USP36: variants seen among roughly 807,000 people sequenced by gnomAD.
USP36 encodes the protein ubiquitin specific peptidase 36, also known as ubiquitin carboxyl-terminal hydrolase 36.
A neutral mutation model predicts 111.5 loss-of-function variants in USP36; 59 were observed. The ratio of observed to expected loss-of-function variants is 0.53; its 90% CI spans 0.43 to 0.66. USP36 has a LOEUF of 0.66. Ranked by LOEUF, USP36 falls within the 30% of genes least tolerant of loss-of-function variation. The probability of loss-of-function intolerance (pLI) is 0.00; values close to 1 mark genes in which losing one functional copy is unlikely to be tolerated. For synonymous variants in USP36, 628 were observed against 581.0 expected, an observed-to-expected ratio of 1.08 and a Z score of -1.16; for missense variants, 1,488 against 1,468.0, an observed-to-expected ratio of 1.01 and a Z score of -0.22.
At chr17:78,793,757 C>G (rs145346267), downstream of USP36, among the ~76,000 whole-genome samples, 4 of 152,254 alleles carry the variant, frequency 2.6e-5, no homozygotes, top group African/African-American at 7.2e-5. Flanking sequence ...GTCACTATTA[C>G]AGTTATGATG....
intron 6 of USP36, among the ~76,000 whole-genome samples, chr17:78,823,782 A>C (rs972297737): frequency 1.3e-5 from 2 of 152,158 alleles, no homozygotes; most frequent in African/African-American, 4.8e-5. Context: ...AAAAAACTCA[A>C]AACTATCCTA....
chr17:78,800,480 C>T (rs1302846067), intron 17 of USP36, among the ~76,000 whole-genome samples: 4 of 152,266 alleles, frequency 2.6e-5, no homozygotes, highest in African/African-American at 9.6e-5. Flanking sequence ...CAGCTAGCCA[C>T]ATAGCCCCTG....
At chr17:78,801,119 G>C (rs1187171742) in intron 17 of USP36, among the ~76,000 whole-genome samples, 1 of 152,050 alleles carries the variant, frequency 6.6e-6, no homozygotes, top group Non-Finnish European at 1.5e-5. Context: ...TGGGACTAGA[G>C]GCGCCCGCCA....
chr17:78,798,843 C>T lies in USP36; in HGVS notation c.3240+65G>A, dbSNP rs2093674923. ...GCCACTGCCGCCACCTCCAACTGCC[C>T]CGGCTCTGAGCTGAGCCACGCCGCC... On this transcript the variant is annotated intron_variant, in intron 19 of 20. Transcript: ENST00000449938. The surrounding 1 kb of genome is among the most constrained non-coding windows in gnomAD (Gnocchi z 5.1). 3.2e-6 allele frequency: 5 copies of T among 1,579,722 alleles called. No individual in the cohort carries two copies. The Admixed American group carries it at 6.7e-5, about 21-fold the overall frequency.
chr17:78,835,375 A>C lies in USP36; in HGVS notation c.380T>G (p.Leu127Arg), dbSNP rs1426398754. Residue 127 changes from leucine (L) to arginine (R), a missense_variant, in exon 4 of 21, where the codon CTT becomes CGT. Physicochemically the swap from Leu to Arg is moderately radical, Grantham distance 102. Around this residue, in one of 3 missense-constraint regions of USP36, gnomAD observed 219 missense variants for 209.5 expected, o/e 1.05. Transcript: ENST00000449938. ...GGCATTGAGAAAGCAGGTGTTGCCA[A>C]GGTTGTGGAGTCCTGCGCCCACGCG... ...VFRVGAGLHN[L>R]GNTCFLNATI... 6.2e-7 allele frequency: 1 copy of C among 1,614,262 alleles called. No individual in the cohort carries two copies. Among genetic ancestry groups the C allele is most frequent in the South Asian group, 1.1e-5 (1 of 91,088 alleles).
chr17:78,806,017 G>A (rs1567920509), intron 15 of USP36, 139 bp downstream of exon 15: 4 of 1,427,642 alleles, frequency 2.8e-6, no homozygotes, highest in East Asian at 2.4e-5. Flanking sequence ...GGTCAGTGAC[G>A]CCCCCCTGTA....
rs1332865428 is a variant in USP36, at chr17:78,807,549, T to G, written c.1495A>C (p.Lys499Gln). The G allele has an allele frequency of 6.2e-7, 1 of 1,612,584 alleles. No individual in the cohort carries two copies. Among genetic ancestry groups the G allele is most frequent in the Non-Finnish European group, 8.5e-7 (1 of 1,179,206 alleles). Reference protein sequence around the residue: ...ISRNGSTLGLKSQNGCIPPKL... With the variant: ...ISRNGSTLGLQSQNGCIPPKL... ...GGAGGAATGCAGCCGTTCTGGGACTTCAGGCCCAGGGTGGAGCCATTCCTG... is the reference window on the plus strand; with the variant it reads ...GGAGGAATGCAGCCGTTCTGGGACTGCAGGCCCAGGGTGGAGCCATTCCTG... Residue 499 changes from lysine (K) to glutamine (Q), a missense_variant, in exon 14 of 21, where the codon AAG (lysine) becomes CAG (glutamine). Transcript: ENST00000449938.
downstream of USP36, among the ~76,000 whole-genome samples, chr17:78,795,301 G>A (rs949985002): frequency 2.4e-4 from 36 of 152,332 alleles, no homozygotes; most frequent in African/African-American, 7.9e-4. This position sits in a 1 kb window ranked among gnomAD's most constrained non-coding sequence, Gnocchi z 4.5. Flanking sequence ...AAAGAGAAGC[G>A]AAGACATGAT....
At chr17:78,810,532 G>A (rs974560078) in intron 13 of USP36, among the ~76,000 whole-genome samples, 3 of 152,008 alleles carry the variant, frequency 2.0e-5, no homozygotes, top group African/African-American at 4.8e-5. Context: ...TTCCCACATC[G>A]GCTTCCCAAA....
intron 5 of USP36, 91 bp from the exon 6 acceptor site, chr17:78,827,438 A>T (rs1192922277): frequency 6.3e-6 from 8 of 1,270,110 alleles, no homozygotes; most frequent in Non-Finnish European, 8.7e-6. Flanking sequence ...CCTGGCTGTT[A>T]TAAGGGGAAA....
chr17:78,830,955 A>G (rs1200439008), intron 4 of USP36, among the ~76,000 whole-genome samples: 1 of 152,032 alleles, frequency 6.6e-6, no homozygotes, highest in Non-Finnish European at 1.5e-5. Context: ...GGCCAGATGC[A>G]GTGGCTCACG....
rs749704387 is a variant in USP36, at chr17:78,807,434, T to C, written c.1610A>G (p.Lys537Arg). 1 of 1,614,022 alleles carries C rather than the reference T, an allele frequency of 6.2e-7. No individual in the cohort carries two copies. The highest frequency in any genetic ancestry group is 8.5e-7 in the Non-Finnish European group (1 of 1,180,008). The change falls in exon 14 of 21, where the codon AAG becomes AGG. Residue 537 changes from lysine to arginine, a missense_variant. Transcript: ENST00000449938. Reference sequence around the variant, plus strand: ...AAAGTGCTGTGGAGGAGCTGGCTTCTTCACCTTCTTTCCAGGGTCGTCTAG... The same window carrying C: ...AAAGTGCTGTGGAGGAGCTGGCTTCCTCACCTTCTTTCCAGGGTCGTCTAG... ...TILDDPGKKV[K>R]KPAPPQHFSP... is the part of the protein sequence containing the mutation.
At chr17:78,802,105 G>A (rs1302900576) in intron 17 of USP36, among the ~76,000 whole-genome samples, 1 of 83,448 alleles carries the variant, frequency 1.2e-5, no homozygotes, top group Admixed American at 1.3e-4. Flanking sequence ...CCACCCCCTT[G>A]CCCGGTGCAC....
intron 3 of USP36, among the ~76,000 whole-genome samples, chr17:78,788,852 G>C (rs1447373512): frequency 6.6e-6 from 1 of 152,100 alleles, no homozygotes; most frequent in Non-Finnish European, 1.5e-5. Flanking sequence ...GCCAGAGGTG[G>C]GGACGGGAGG....
chr17:78,837,243 G>A (rs750538817), intron 2 of USP36, among the ~76,000 whole-genome samples: 13 of 152,092 alleles, frequency 8.5e-5, no homozygotes, highest in African/African-American at 3.1e-4. Context: ...AAGTGAGGAA[G>A]GAGAAGAAAA....
intron 10 of USP36, among the ~76,000 whole-genome samples, 163 bp downstream of exon 10, chr17:78,818,504 C>T (rs1299961175): frequency 1.3e-5 from 2 of 152,178 alleles, no homozygotes; most frequent in Non-Finnish European, 2.9e-5. Context: ...TGGACAAGGG[C>T]GAAACTACAG....
chr17:78,818,052 T>A (rs1267569757), intron 10 of USP36, among the ~76,000 whole-genome samples: 2 of 152,196 alleles, frequency 1.3e-5, no homozygotes, highest in African/African-American at 4.8e-5. Flanking sequence ...GCCACTGCAC[T>A]CCAGCCCAGG....
chr17:78,811,148 A>G (rs2094043621), intron 13 of USP36, among the ~76,000 whole-genome samples: 3 of 125,570 alleles, frequency 2.4e-5, no homozygotes, highest in South Asian at 4.8e-4. Flanking sequence ...AAAAAAAAAA[A>G]AAAAAAAGAA....
At chr17:78,811,158 AAC>A (rs983706883) in intron 13 of USP36, among the ~76,000 whole-genome samples, 2 of 111,220 alleles carry the variant, frequency 1.8e-5, no homozygotes, top group African/African-American at 6.1e-5. Flanking sequence ...AAAAAAAAGA[AAC>A]AGTCATCAAG....
Sources: gnomAD v4.1 joint callset for allele counts (sites outside exome capture counted in the v4.1 genomes callset) on GRCh38, gnomAD v4.1.1 for gene constraint, gnomAD v4.1.1 regional missense constraint, Gnocchi (gnomAD v3.1) non-coding constraint, MANE v1.5 for transcripts, NCBI Gene and HGNC (gene_info 2026-07-23, HGNC 2026-07-21) for gene names.